TSHR: variants seen among roughly 807,000 people sequenced by gnomAD.
The protein encoded by TSHR is thyrotropin receptor.
In TSHR, 51 loss-of-function variants were observed where a neutral mutation model predicts 64.1. That is an observed-to-expected ratio of 0.80 (90% CI 0.64 to 1.01). The LOEUF (loss-of-function observed/expected upper bound fraction) is 1.01, where lower values mean the gene tolerates loss of function less well. Among genes scored for constraint, TSHR ranks in the 50% least tolerant of loss-of-function variants. TSHR has a pLI of 0.00. For synonymous variants in TSHR, 361 were observed against 361.9 expected (o/e 1.00, Z 0.03); for missense variants, 877 against 942.8 (o/e 0.93, Z 0.91).
intron 1 of TSHR, chr14:81,049,993 C>G (rs1380093275): frequency 6.6e-6 from 1 of 152,164 alleles, no homozygotes; most frequent in Non-Finnish European, 1.5e-5. Context: ...CAGACTAACA[C>G]AGTTTATAAT....
chr14:81,072,086 A>G (rs1212971409), intron 3 of TSHR, among the ~76,000 whole-genome samples: 1 of 152,206 alleles, frequency 6.6e-6, no homozygotes, highest in Non-Finnish European at 1.5e-5. Flanking sequence ...TTGGTCACCT[A>G]TTATAATGTG....
intron 1 of TSHR, among the ~76,000 whole-genome samples, chr14:81,010,140 T>C (rs750399422): frequency 6.1e-4 from 93 of 152,292 alleles, no homozygotes; most frequent in Non-Finnish European, 5.0e-4. Context: ...TGTTTCACTT[T>C]ACCTTCTTTT....
intron 1 of TSHR, among the ~76,000 whole-genome samples, chr14:81,045,507 G>A (rs1885131689): frequency 1.3e-5 from 2 of 152,100 alleles, no homozygotes; most frequent in South Asian, 4.1e-4. Context: ...TAGGTATTAA[G>A]CCCAGCATCA....
chr14:81,143,320 T>G lies in TSHR; in HGVS notation c.1262T>G (p.Val421Gly). The G allele has an allele frequency of 6.2e-7, 1 of 1,614,162 alleles. No individual in the cohort carries two copies. The highest frequency in any genetic ancestry group is 8.5e-7 in the Non-Finnish European group (1 of 1,180,030). The change falls in exon 10 of 10, where the codon GTG becomes GGG. Residue 421 changes from valine to glycine, a missense_variant. Physicochemically the swap from Val to Gly is moderately radical, Grantham distance 109. Coordinates refer to ENST00000298171, the MANE Select transcript of TSHR (RefSeq NM_000369.5). ...IMGYKFLRIV[V>G]WFVSLLALLG... ...GGCTACAAGTTCCTGAGAATTGTGG[T>G]GTGGTTCGTTAGTCTGCTGGCTCTC... is the stretch of plus-strand genomic sequence containing the variant.
intron 1 of TSHR, among the ~76,000 whole-genome samples, chr14:80,983,790 G>A (rs1267653947): frequency 3.3e-5 from 5 of 152,182 alleles, no homozygotes; most frequent in African/African-American, 1.2e-4. Context: ...CTCTAGGTTT[G>A]AGCTAAACTA....
At chr14:81,110,256 A>G (rs527707490) in intron 8 of TSHR, among the ~76,000 whole-genome samples, 1 of 152,324 alleles carries the variant, frequency 6.6e-6, no homozygotes, top group East Asian at 1.9e-4. Flanking sequence ...TTAGTATGTG[A>G]CTGTATTTGA....
intron 1 of TSHR, among the ~76,000 whole-genome samples, chr14:81,000,568 A>G (rs2139757860): frequency 6.6e-6 from 1 of 152,202 alleles, no homozygotes; most frequent in South Asian, 2.1e-4. Flanking sequence ...CCTGCCTACC[A>G]CTGGGGTATA....
rs574191226 is a variant in TSHR, at chr14:81,007,202, A to G, written c.170+51352A>G. Among the ~76,000 whole-genome samples the G allele has an allele frequency of 1.7e-3, 257 of 152,336 alleles. 1 individual carries two copies. The highest frequency in any genetic ancestry group is 5.9e-3 in the African/African-American group (247 of 41,564). On this transcript the variant is annotated intron_variant, in intron 1 of 9. Coordinates refer to ENST00000298171, the MANE Select transcript of TSHR (RefSeq NM_000369.5). ...AGGATTAGTGTCCTATAAGAAGAGG[A>G]AGAGAAACCAGAGCTTGATTTATAC...
At chr14:80,999,121 A>T (rs1889175346) in intron 1 of TSHR, among the ~76,000 whole-genome samples, 1 of 152,236 alleles carries the variant, frequency 6.6e-6, no homozygotes. Flanking sequence ...AGACTTGGAT[A>T]TCGTGTACTT....
intron 1 of TSHR, among the ~76,000 whole-genome samples, chr14:81,035,625 G>C (rs987358905): frequency 6.6e-6 from 1 of 152,172 alleles, no homozygotes. Flanking sequence ...CTGATGTGAA[G>C]AAAATATTCC....
At chr14:80,970,221 A>C (rs1466493964) in intron 1 of TSHR, among the ~76,000 whole-genome samples, 3 of 152,186 alleles carry the variant, frequency 2.0e-5, no homozygotes. Context: ...GTGAAGTGGG[A>C]GTCTAGGCCA....
intron 7 of TSHR, chr14:81,102,653 C>T (rs1275518660): frequency 3.2e-5 from 12 of 369,942 alleles, no homozygotes; most frequent in Non-Finnish European, 1.9e-5. Context: ...TGAAAGCAGC[C>T]ATAGACAATA....
chr14:81,073,099 T>A (rs1887240764), intron 3 of TSHR, among the ~76,000 whole-genome samples: 2 of 142,492 alleles, frequency 1.4e-5, no homozygotes, highest in African/African-American at 5.2e-5. Flanking sequence ...TGCATACATA[T>A]AAAGCATAAA....
Position 81,128,958 on chromosome 14 carries a change from C to T in TSHR, c.693-10721C>T, listed in dbSNP as rs1478462466. On this transcript the variant is annotated intron_variant, in intron 8 of 9. Transcript: ENST00000298171. ...ACCCCCTTTACTCATGGAGGATATG[C>T]TCCGAGACCCACAGGGGATGACTGA... 2.0e-5 allele frequency among the ~76,000 whole-genome samples: 3 copies of T among 152,188 alleles called. No individual in the cohort carries two copies. In the East Asian group the frequency reaches 5.8e-4, roughly 29 times the overall value.
chr14:81,063,756 T>G (rs940038529), intron 2 of TSHR, among the ~76,000 whole-genome samples: 1 of 151,810 alleles, frequency 6.6e-6, no homozygotes, highest in Non-Finnish European at 1.5e-5. Context: ...CCTAAGAGAG[T>G]GATGAGTATC....
At chr14:81,020,975 G>A (rs1387694200) in intron 1 of TSHR, among the ~76,000 whole-genome samples, 1 of 151,708 alleles carries the variant, frequency 6.6e-6, no homozygotes, top group Non-Finnish European at 1.5e-5. Context: ...CACACTTTGG[G>A]TGTCACTGTC....
At chr14:80,984,034 A>G (rs1327320515) in intron 1 of TSHR, among the ~76,000 whole-genome samples, 1 of 151,872 alleles carries the variant, frequency 6.6e-6, no homozygotes, top group Non-Finnish European at 1.5e-5. Context: ...ACACACACAC[A>G]AAGATAACTA....
chr14:80,972,592 C>T (rs985785058), intron 1 of TSHR, among the ~76,000 whole-genome samples: 8 of 152,170 alleles, frequency 5.3e-5, no homozygotes, highest in African/African-American at 1.9e-4. Context: ...CTCCCCTCCT[C>T]CTCTCTCAGT....
At chr14:81,027,281 G>GA (rs905825899) in intron 1 of TSHR, among the ~76,000 whole-genome samples, 13 of 151,712 alleles carry the variant, frequency 8.6e-5, no homozygotes, top group African/African-American at 2.4e-4. Context: ...GACAAAATCA[G>GA]AAAAAAATGG....
Sources: gnomAD v4.1 joint callset for allele counts (sites outside exome capture counted in the v4.1 genomes callset) on GRCh38, gnomAD v4.1.1 for gene constraint, MANE v1.5 for transcripts, NCBI Gene and HGNC (gene_info 2026-07-23, HGNC 2026-07-21) for gene names.